Variants in AGTPBP1 observed in about 807,000 individuals in gnomAD.
AGTPBP1 encodes the protein ATP/GTP binding carboxypeptidase 1.
Under a neutral mutation model 143.9 loss-of-function variants are expected in AGTPBP1, and 70 were observed. The observed-to-expected ratio is 0.49, with a 90% CI of 0.40 to 0.59. The LOEUF (loss-of-function observed/expected upper bound fraction) is 0.59. Ranked by LOEUF, AGTPBP1 falls within the 20% of genes least tolerant of loss-of-function variation. AGTPBP1 has a pLI of 0.00. For missense variants in AGTPBP1, 1,229 were observed against 1,464.5 expected (o/e 0.84, Z 2.62); for synonymous variants, 463 against 500.2 (o/e 0.93, Z 0.99).
At chr9:85,797,080 C>T in the AGTPBP1 span, among the ~76,000 whole-genome samples, 5 of 152,122 alleles carry the variant, frequency 3.3e-5, no homozygotes, top group South Asian at 2.1e-4. Flanking sequence ...CCACTGCGCC[C>T]GGCTCTTTCT....
At chr9:85,655,781 C>A (rs1477080385) in intron 10 of AGTPBP1, among the ~76,000 whole-genome samples, 1 of 151,706 alleles carries the variant, frequency 6.6e-6, no homozygotes, top group African/African-American at 2.4e-5. Context: ...TGGCTATTCA[C>A]CTTATAAAAG....
At chr9:85,734,567 T>C (rs1839111496) in intron 1 of AGTPBP1, among the ~76,000 whole-genome samples, 1 of 152,196 alleles carries the variant, frequency 6.6e-6, no homozygotes, top group African/African-American at 2.4e-5. Flanking sequence ...ACTTCGTAGC[T>C]ATTAGGATGG....
the AGTPBP1 span, among the ~76,000 whole-genome samples, chr9:85,773,429 G>A: frequency 2.1e-5 from 3 of 141,930 alleles, no homozygotes; most frequent in East Asian, 6.4e-4. Flanking sequence ...CGCCTCCCAG[G>A]TTCAAGCCAT....
chr9:85,753,797 GATAGA>G, the AGTPBP1 span, among the ~76,000 whole-genome samples: 1 of 150,498 alleles, frequency 6.6e-6, no homozygotes, highest in African/African-American at 2.5e-5. Flanking sequence ...TAGATAGATA[GATAGA>G]TAGATGTAAA....
chr9:85,666,403 C>A (rs1183250164), intron 8 of AGTPBP1, among the ~76,000 whole-genome samples: 6 of 152,188 alleles, frequency 3.9e-5, no homozygotes, highest in African/African-American at 1.2e-4. Flanking sequence ...GGAAGAAATA[C>A]AACAGAAAGC....
chr9:85,790,257 AAGGGT>A, the AGTPBP1 span, among the ~76,000 whole-genome samples: 1 of 152,230 alleles, frequency 6.6e-6, no homozygotes, highest in Non-Finnish European at 1.5e-5. Context: ...GAAGTACACC[AAGGGT>A]AGGGTACTGG....
At chr9:85,719,860 T>C (rs1397314447) in intron 1 of AGTPBP1, among the ~76,000 whole-genome samples, 1 of 152,256 alleles carries the variant, frequency 6.6e-6, no homozygotes, top group African/African-American at 2.4e-5. Flanking sequence ...ATTGACAGTT[T>C]GTAACATGAA....
chr9:85,668,933 G>A (rs910193647), intron 8 of AGTPBP1, among the ~76,000 whole-genome samples: 9 of 146,702 alleles, frequency 6.1e-5, no homozygotes, highest in African/African-American at 2.3e-4. Context: ...AGGCTGAAAG[G>A]CCTAGGAATG....
the AGTPBP1 span, among the ~76,000 whole-genome samples, chr9:85,778,806 C>T: frequency 6.6e-6 from 1 of 152,156 alleles, no homozygotes; most frequent in African/African-American, 2.4e-5. Flanking sequence ...TTTCTTTCAT[C>T]AGTTTGTCCA....
At chr9:85,771,775 C>T in the AGTPBP1 span, among the ~76,000 whole-genome samples, 2 of 151,726 alleles carry the variant, frequency 1.3e-5, no homozygotes, top group Non-Finnish European at 1.5e-5. Flanking sequence ...CCTCAGCCTC[C>T]CAAGTAGCTG....
intron 25 of AGTPBP1, among the ~76,000 whole-genome samples, chr9:85,574,124 T>C (rs1827733115): frequency 6.6e-6 from 1 of 152,188 alleles, no homozygotes; most frequent in Non-Finnish European, 1.5e-5. Flanking sequence ...TGTTCTGTAC[T>C]AAGAAAAATT....
At chr9:85,579,995 T>C (rs963726926) in intron 23 of AGTPBP1, among the ~76,000 whole-genome samples, 2 of 151,920 alleles carry the variant, frequency 1.3e-5, no homozygotes, top group African/African-American at 4.8e-5. Flanking sequence ...CTCAGCACTT[T>C]GGGAGTCTGA....
At chr9:85,628,214 T>C (rs1831421479) in intron 14 of AGTPBP1, among the ~76,000 whole-genome samples, 1 of 152,218 alleles carries the variant, frequency 6.6e-6, no homozygotes, top group Non-Finnish European at 1.5e-5. Flanking sequence ...AATAGAATCA[T>C]ATTGTTTTGT....
chr9:85,762,821 TTA>T, the AGTPBP1 span, among the ~76,000 whole-genome samples: 3 of 147,874 alleles, frequency 2.0e-5, no homozygotes, highest in Non-Finnish European at 4.5e-5. Flanking sequence ...ATGTAAAACT[TTA>T]TATATATATA....
At chr9:85,617,635 C>T (rs542669768) in intron 17 of AGTPBP1, among the ~76,000 whole-genome samples, 40 of 151,904 alleles carry the variant, frequency 2.6e-4, no homozygotes, top group Admixed American at 2.0e-3. Context: ...TTAAAACGGT[C>T]TCATGAGACA....
At chr9:85,589,347 C>T (rs1828809566) in intron 20 of AGTPBP1, among the ~76,000 whole-genome samples, 181 bp downstream of exon 20, 1 of 152,102 alleles carries the variant, frequency 6.6e-6, no homozygotes, top group Non-Finnish European at 1.5e-5. Flanking sequence ...CCCTTATTTT[C>T]AGGATAAGGA....
At chr9:85,730,478 C>T (rs1838806707) in intron 1 of AGTPBP1, among the ~76,000 whole-genome samples, 1 of 152,092 alleles carries the variant, frequency 6.6e-6, no homozygotes, top group Admixed American at 6.5e-5. Flanking sequence ...TCCAGGGACC[C>T]ACTCCTTCAA....
chr9:85,552,049 A>G (rs10868319), intron 25 of AGTPBP1, among the ~76,000 whole-genome samples: 27,652 of 152,132 alleles, frequency 0.18, 3,229 homozygotes, highest in East Asian at 0.49. Context: ...ACCTGCCTTA[A>G]CATCTATCCT....
intron 3 of AGTPBP1, among the ~76,000 whole-genome samples, chr9:85,690,480 G>GTGAGGAGTATTTTCAGTGT (rs1444183176): frequency 1.3e-4 from 20 of 152,038 alleles, no homozygotes; most frequent in Admixed American, 6.6e-5. Flanking sequence ...ATTTTCAGTG[G>GTGAGGAGTATTTTCAGTGT]TGAGGAGTAT....
Sources: allele counts gnomAD v4.1 joint callset (sites outside exome capture counted in the v4.1 genomes callset), GRCh38; gene constraint gnomAD v4.1.1; transcripts MANE v1.5; gene names NCBI Gene and HGNC (gene_info 2026-07-23, HGNC 2026-07-21).